RAPGEF5: variants seen among roughly 807,000 people sequenced by gnomAD.
RAPGEF5 encodes M-Ras-regulated GEF.
RAPGEF5 carries 65 observed loss-of-function variants against 125.2 expected under a neutral mutation model. The observed-to-expected ratio is 0.52, with a 90% CI of 0.43 to 0.64. The LOEUF is 0.64. Among genes scored for constraint, RAPGEF5 ranks in the 30% least tolerant of loss-of-function variants. The probability of loss-of-function intolerance (pLI) is 0.00; values close to 1 mark genes in which losing one functional copy is unlikely to be tolerated. For missense variants in RAPGEF5, 958 were observed against 1,048.1 expected, an observed-to-expected ratio of 0.91 and a Z score of 1.19; for synonymous variants, 391 against 385.9, an observed-to-expected ratio of 1.01 and a Z score of -0.16.
At chr7:22,142,403 T>C (rs111987166) in intron 20 of RAPGEF5, among the ~76,000 whole-genome samples, 4 of 152,344 alleles carry the variant, frequency 2.6e-5, no homozygotes, top group African/African-American at 9.6e-5. Flanking sequence ...CTACGTTTTA[T>C]TGAGCTTAAT....
chr7:22,354,540 G>A (rs1784385910), intron 1 of RAPGEF5, among the ~76,000 whole-genome samples: 1 of 152,110 alleles, frequency 6.6e-6, no homozygotes, highest in Non-Finnish European at 1.5e-5. Context: ...AACCCCCTGT[G>A]TTTTGGACTG....
chr7:22,245,380 C>A (rs1562486222), intron 7 of RAPGEF5, among the ~76,000 whole-genome samples: 1 of 152,134 alleles, frequency 6.6e-6, no homozygotes, highest in Non-Finnish European at 1.5e-5. Flanking sequence ...CCACAAAAAT[C>A]ATTGTCTAGA....
chr7:22,241,250 T>G (rs1717597613), intron 7 of RAPGEF5, among the ~76,000 whole-genome samples: 1 of 152,242 alleles, frequency 6.6e-6, no homozygotes, highest in African/African-American at 2.4e-5. Flanking sequence ...TTTTTTTGTT[T>G]CTGAATTGTC....
At chr7:22,185,622 A>G (rs1784801760) in intron 11 of RAPGEF5, among the ~76,000 whole-genome samples, 2 of 152,246 alleles carry the variant, frequency 1.3e-5, no homozygotes, top group Non-Finnish European at 2.9e-5. Context: ...AAAGTAGAAC[A>G]GAAATCATAT....
At chr7:22,264,832 C>T (rs1782242956) in intron 7 of RAPGEF5, among the ~76,000 whole-genome samples, 1 of 152,168 alleles carries the variant, frequency 6.6e-6, no homozygotes, top group Non-Finnish European at 1.5e-5. Flanking sequence ...CTACTTTATT[C>T]TGAAATTTTA....
At chr7:22,286,563 G>A (rs944476757) in intron 6 of RAPGEF5, among the ~76,000 whole-genome samples, 4 of 152,174 alleles carry the variant, frequency 2.6e-5, no homozygotes, top group African/African-American at 4.8e-5. Context: ...TCTAGAATAC[G>A]TTTTTATCTC....
At chr7:22,318,473 A>G (rs12334099) in intron 1 of RAPGEF5, among the ~76,000 whole-genome samples, 58,589 of 151,810 alleles carry the variant, frequency 0.39, 11,617 homozygotes, top group Non-Finnish European at 0.43. Flanking sequence ...TCAAACCACA[A>G]CTAAGCAAAT....
chr7:22,183,891 C>A (rs533735993), intron 11 of RAPGEF5, among the ~76,000 whole-genome samples: 56 of 152,292 alleles, frequency 3.7e-4, no homozygotes, highest in African/African-American at 1.3e-3. Context: ...TTCCATAATT[C>A]TTATAGTCTG....
chr7:22,130,616 C>T (rs1782885407), intron 24 of RAPGEF5, among the ~76,000 whole-genome samples: 2 of 152,118 alleles, frequency 1.3e-5, no homozygotes. Flanking sequence ...AGGAGAGGAA[C>T]TTTTTCCCTC....
chr7:22,251,945 T>G (rs375515297), intron 7 of RAPGEF5, among the ~76,000 whole-genome samples: 1 of 152,126 alleles, frequency 6.6e-6, no homozygotes, highest in Non-Finnish European at 1.5e-5. Flanking sequence ...TAACTTTCAT[T>G]TGACCTTGGG....
chr7:22,154,744 G>T, intron 16 of RAPGEF5, 140 bp from the exon 17 acceptor site: 2 of 817,350 alleles, frequency 2.4e-6, no homozygotes, highest in Non-Finnish European at 3.6e-6. Flanking sequence ...TACAGAGTTA[G>T]ATTTTTTATA....
At position 22,357,087 on chromosome 7, in the gene RAPGEF5, G is replaced by T. The variant is rs1197544839; in HGVS notation, c.-27C>A. ...CCCTGACGGCGCTGCGGCGCCGGGG[G>T]CTCCTCTCCACCGCGCTCGCCTCCG... is the stretch of plus-strand genomic sequence containing the variant. On this transcript the variant is annotated 5_prime_UTR_variant, in exon 1 of 26. Coordinates refer to ENST00000665637, the MANE Select transcript of RAPGEF5 (RefSeq NM_012294.5). The T allele has an allele frequency of 2.0e-6, 2 of 1,019,386 alleles. No individual in the cohort carries two copies. Among genetic ancestry groups the T allele is most frequent in the South Asian group, 4.3e-5 (1 of 23,330 alleles). The allele number at this position is 1,019,386 out of a possible 1,614,324, so 63.1% of individuals were successfully genotyped here.
intron 25 of RAPGEF5, 50 bp downstream of exon 25, chr7:22,125,554 G>A: frequency 6.5e-7 from 1 of 1,528,228 alleles, no homozygotes; most frequent in South Asian, 1.1e-5. Context: ...ACCACAGTTG[G>A]TACCAACGTA....
intron 1 of RAPGEF5, among the ~76,000 whole-genome samples, chr7:22,337,752 C>T (rs376252774): frequency 1.3e-5 from 2 of 152,270 alleles, no homozygotes; most frequent in African/African-American, 4.8e-5. Context: ...CCATGTCCAG[C>T]GTGATGGGCA....
chr7:22,180,038 G>A (rs979952480), intron 11 of RAPGEF5, among the ~76,000 whole-genome samples: 6 of 152,068 alleles, frequency 3.9e-5, no homozygotes, highest in Admixed American at 1.3e-4. Context: ...CTATGGGTTC[G>A]CCTTGAATTA....
intron 5 of RAPGEF5, among the ~76,000 whole-genome samples, chr7:22,301,866 C>T (rs1783214243): frequency 6.6e-6 from 1 of 152,056 alleles, no homozygotes; most frequent in South Asian, 2.1e-4. Context: ...GTTTTTTTCC[C>T]ACAGCTTCAG....
At chr7:22,324,345 AGAG>A (rs1434872084) in intron 1 of RAPGEF5, among the ~76,000 whole-genome samples, 1 of 152,236 alleles carries the variant, frequency 6.6e-6, no homozygotes, top group African/African-American at 2.4e-5. Flanking sequence ...ATCCCAGATG[AGAG>A]GAGACCAAAG....
chr7:22,174,035 C>T (rs1784432198), intron 11 of RAPGEF5, among the ~76,000 whole-genome samples: 2 of 152,102 alleles, frequency 1.3e-5, no homozygotes, highest in Admixed American at 1.3e-4. Flanking sequence ...AGTTAAGTCA[C>T]CTGTAAAGTG....
intron 1 of RAPGEF5, among the ~76,000 whole-genome samples, chr7:22,322,593 G>A (rs75721765): frequency 6.6e-6 from 1 of 152,258 alleles, no homozygotes; most frequent in Non-Finnish European, 1.5e-5. Context: ...TGCAGTTATT[G>A]TCCCATACAT....
Sources: gnomAD v4.1 joint callset for allele counts (sites outside exome capture counted in the v4.1 genomes callset) on GRCh38, gnomAD v4.1.1 for gene constraint, MANE v1.5 for transcripts, NCBI Gene and HGNC (gene_info 2026-07-23, HGNC 2026-07-21) for gene names.